Variants in RELCH observed in about 807,000 individuals in gnomAD.
RELCH encodes RAB11 binding and LisH domain, coiled-coil and HEAT repeat containing.
A neutral mutation model predicts 150.3 loss-of-function variants in RELCH; 41 were observed. The ratio of observed to expected loss-of-function variants is 0.27; its 90% confidence interval spans 0.21 to 0.35. The LOEUF (loss-of-function observed/expected upper bound fraction) is 0.35, where lower values mean the gene tolerates loss of function less well. RELCH is among the 10% of genes least tolerant of loss of function. The pLI is 1.00. For missense variants in RELCH, 1,092 were observed against 1,467.8 expected, an observed-to-expected ratio of 0.74 and a Z score of 4.18; for synonymous variants, 478 against 531.8, an observed-to-expected ratio of 0.90 and a Z score of 1.39.
intron 2 of RELCH, among the ~76,000 whole-genome samples, chr18:62,211,561 G>C (rs1311690392): frequency 6.6e-6 from 1 of 152,040 alleles, no homozygotes; most frequent in Non-Finnish European, 1.5e-5. Flanking sequence ...TCATTCCTTT[G>C]ATCCTCCAAA....
intron 10 of RELCH, among the ~76,000 whole-genome samples, chr18:62,235,888 C>A (rs1361365236): frequency 6.6e-6 from 1 of 151,972 alleles, no homozygotes; most frequent in Non-Finnish European, 1.5e-5. Flanking sequence ...AGAATCATGT[C>A]ATCTGCACGT....
At chr18:62,274,691 C>A (rs2044098983) in intron 21 of RELCH, among the ~76,000 whole-genome samples, 1 of 152,158 alleles carries the variant, frequency 6.6e-6, no homozygotes, top group Non-Finnish European at 1.5e-5. Flanking sequence ...AAACCAAGAC[C>A]CACAGAAGTT....
At position 62,187,989 on chromosome 18, in the gene RELCH, G is replaced by A. The variant is rs2038258016; in HGVS notation, c.484G>A (p.Gly162Arg). 1 of 1,598,984 alleles carries A rather than the reference G, an allele frequency of 6.3e-7. No individual in the cohort carries two copies. Among genetic ancestry groups the A allele is most frequent in the African/African-American group, 1.3e-5 (1 of 74,946 alleles). ...TGGAGCAGCCGGCGTTGGGGGCGCT[G>A]GAGGTCGGGAACCGAGTACAGCGTC... Reference protein sequence around the residue: ...VPGAAGVGGAGGREPSTASGG... With the variant: ...VPGAAGVGGARGREPSTASGG... The change falls in exon 1 of 29, where the codon GGA becomes AGA. Residue 162 changes from glycine (G) to arginine (R), a missense_variant. Transcript: ENST00000644646.
intron 27 of RELCH, among the ~76,000 whole-genome samples, chr18:62,296,890 C>T (rs1010612366): frequency 2.6e-5 from 4 of 152,178 alleles, no homozygotes; most frequent in African/African-American, 9.7e-5. Flanking sequence ...TTGAATACTT[C>T]CTTTTATATG....
chr18:62,194,296 A>T (rs2038868092), intron 1 of RELCH, among the ~76,000 whole-genome samples: 1 of 152,152 alleles, frequency 6.6e-6, no homozygotes. Context: ...TTTTGATTTC[A>T]TCAAATCCAG....
intron 10 of RELCH, among the ~76,000 whole-genome samples, chr18:62,240,000 G>A (rs976838426): frequency 6.6e-6 from 1 of 151,754 alleles, no homozygotes; most frequent in Non-Finnish European, 1.5e-5. Context: ...ATAATGTAAT[G>A]TGACAATTAG....
intron 20 of RELCH, chr18:62,269,472 C>T: frequency 2.4e-6 from 1 of 411,074 alleles, no homozygotes; most frequent in South Asian, 1.7e-5. Flanking sequence ...AGTCTAAACA[C>T]AAAATGTGTT....
chr18:62,189,275 G>GT (rs200508195), intron 1 of RELCH, among the ~76,000 whole-genome samples: 42,029 of 129,994 alleles, frequency 0.32, 6,853 homozygotes, highest in East Asian at 0.6. Context: ...TTTTTTTGTT[G>GT]TTTTTTTTTT....
rs79014185 is a variant in RELCH at position 62,280,177 on chromosome 18, A to T, written c.3050+321A>T. 0.021 allele frequency: 12,830 copies of T among 602,866 alleles called. 504 individuals carry two copies. The highest frequency in any genetic ancestry group is 0.13 in the East Asian group (4,873 of 36,172). The allele number at this position is 602,866 out of a possible 1,614,324, so 37.3% of individuals were successfully genotyped here. On this transcript the variant is annotated intron_variant, in intron 23 of 28. Transcript: ENST00000644646. The stretch of plus-strand genomic sequence containing the variant: ...CAAGAAGGGATGCTCTCCTAATCTC[A>T]CTAACAGGTTGTTACCAGTAAGTGT...
intron 2 of RELCH, among the ~76,000 whole-genome samples, chr18:62,218,204 G>GA (rs1410675239): frequency 6.6e-6 from 1 of 151,844 alleles, no homozygotes; most frequent in East Asian, 1.9e-4. Context: ...TTATAGTCAG[G>GA]AAAAAAATTC....
At chr18:62,282,098 A>T (rs1263979963) in intron 24 of RELCH, among the ~76,000 whole-genome samples, 2 of 152,148 alleles carry the variant, frequency 1.3e-5, no homozygotes, top group Non-Finnish European at 2.9e-5. Context: ...TTTAATTAAG[A>T]ATTTGTAAGC....
At chr18:62,290,891 A>G (rs1461210130) in intron 26 of RELCH, among the ~76,000 whole-genome samples, 1 of 152,186 alleles carries the variant, frequency 6.6e-6, no homozygotes, top group African/African-American at 2.4e-5. Context: ...TTAACTTAAA[A>G]TGTATATATG....
rs2044456661 is a variant in RELCH, at chr18:62,280,529, T to G, written c.3051-117T>G. The G allele has an allele frequency of 3.7e-6, 5 of 1,356,852 alleles. No individual in the cohort carries two copies. The Admixed American group carries it at 8.7e-5, about 24-fold the overall frequency. The allele number at this position is 1,356,852 out of a possible 1,614,324, so 84.1% of individuals were successfully genotyped here. On this transcript the variant is annotated intron_variant, in intron 23 of 28. Transcript: ENST00000644646. ...TCTGCTTTTTTTAAATTTATTTAAT[T>G]TGTCATTGCTAGAGACTAATACAGT...
At chr18:62,222,425 A>G (rs2040936887) in intron 5 of RELCH, among the ~76,000 whole-genome samples, 1 of 151,944 alleles carries the variant, frequency 6.6e-6, no homozygotes, top group Non-Finnish European at 1.5e-5. Context: ...ATGATCGACT[A>G]AACAGTGAAT....
intron 11 of RELCH, among the ~76,000 whole-genome samples, chr18:62,250,092 A>G (rs1273729188): frequency 1.3e-5 from 2 of 152,108 alleles, no homozygotes; most frequent in African/African-American, 4.8e-5. Context: ...TAGGAACAAC[A>G]TTTATTTTTA....
At position 62,232,440 on chromosome 18, in the gene RELCH, A is replaced by G. The variant is rs781046508; in HGVS notation, c.1620+13A>G. ...GGCAAAGAGAGAGGTAAGACACATG[A>G]AAGTATTTTCGTCCCAGTAATCCCA... On this transcript the variant is annotated intron_variant, in intron 10 of 28. Coordinates refer to ENST00000644646, the MANE Select transcript of RELCH (RefSeq NM_001346231.2). 32 of 1,534,740 alleles carry G rather than the reference A, an allele frequency of 2.1e-5. No individual in the cohort carries two copies. The South Asian group carries it at 2.8e-4, about 13-fold the overall frequency.
rs772563271 is a variant in RELCH at position 62,264,873 on chromosome 18, TTTTCTTA to T, written c.2631+23_2631+29del. ...CTAAGGTAAAAACTTGTATTCCATG[TTTTCTTA>T]TATGAAAAAGACATAGAAATGTAAT... On this transcript the variant is annotated intron_variant, in intron 18 of 28. Coordinates refer to ENST00000644646, the MANE Select transcript of RELCH (RefSeq NM_001346231.2). 3.2e-6 allele frequency: 5 copies of T among 1,583,822 alleles called. No homozygotes were observed. The South Asian group carries it at 5.7e-5, about 18-fold the overall frequency.
chr18:62,258,564 G>A lies in RELCH; in HGVS notation c.2090G>A (p.Ser697Asn). The A allele has an allele frequency of 6.2e-7, 1 of 1,606,696 alleles. No individual in the cohort carries two copies. The change falls in exon 15 of 29, where the codon AGT becomes AAT. Residue 697 changes from serine (S) to asparagine (N), a missense_variant. Transcript: ENST00000644646. ...ALGDPSERVVSATHQVFLPAY... is the reference protein window; with the variant it reads ...ALGDPSERVVNATHQVFLPAY... ...GGTGATCCCTCAGAAAGAGTAGTTA[G>A]TGCTACACATCAAGTATTTTTACCA...
rs1170073506 is a variant in RELCH at position 62,306,136 on chromosome 18, T to A, written c.*602T>A. On this transcript the variant is annotated 3_prime_UTR_variant, in exon 29 of 29. Transcript: ENST00000644646. ...TTTGAATTACAAATCCTACAGTCAA[T>A]AGCTAAAGACGAAACCTTCATTTCA... 1 of 152,628 alleles carries A rather than the reference T, an allele frequency of 6.6e-6. No homozygotes were observed. Among genetic ancestry groups the A allele is most frequent in the African/African-American group, 2.4e-5 (1 of 41,444 alleles). 9.5% of individuals were successfully genotyped at this position (152,628 alleles called of 1,614,324 possible). A position where few individuals can be genotyped will look rare whatever the true frequency, so the allele number is the denominator to read the frequency against.
Sources: gnomAD v4.1 joint callset for allele counts (sites outside exome capture counted in the v4.1 genomes callset) on GRCh38, gnomAD v4.1.1 for gene constraint, MANE v1.5 for transcripts, NCBI Gene and HGNC (gene_info 2026-07-23, HGNC 2026-07-21) for gene names.